The following PLCH2 variants were observed in gnomAD, a reference collection of about 807,000 sequenced individuals.
PLCH2 encodes phospholipase C eta 2, also known as 1-phosphatidylinositol 4,5-bisphosphate phosphodiesterase eta-2.
A neutral mutation model predicts 134.7 loss-of-function variants in PLCH2; 98 were observed. The ratio of observed to expected loss-of-function variants is 0.73; its 90% CI spans 0.62 to 0.86. PLCH2 has a LOEUF of 0.86. Ranked by LOEUF, PLCH2 falls within the 40% of genes least tolerant of loss-of-function variation. The pLI, the probability that PLCH2 is intolerant of heterozygous loss-of-function variation, is 0.00. For missense variants in PLCH2, 1,994 were observed against 1,986.6 expected, an observed-to-expected ratio of 1.00 and a Z score of -0.07; for synonymous variants, 974 against 827.5, an observed-to-expected ratio of 1.18 and a Z score of -3.04.
chr1:2,446,689 G>A (rs1016149367), intron 2 of PLCH2, among the ~76,000 whole-genome samples: 2 of 152,230 alleles, frequency 1.3e-5, no homozygotes, highest in Non-Finnish European at 2.9e-5. Flanking sequence ...AGGCTGCCTC[G>A]GCTGCCCAGC....
chr1:2,466,903 C>A (rs1042049470), upstream of PLCH2, among the ~76,000 whole-genome samples: 1 of 152,102 alleles, frequency 6.6e-6, no homozygotes, highest in African/African-American at 2.4e-5. Context: ...GGGCTGCAGC[C>A]GTCACCGTCA....
chr1:2,491,374 C>CA, intron 11 of PLCH2, 39 bp downstream of exon 11: 2 of 1,588,610 alleles, frequency 1.3e-6, no homozygotes, highest in South Asian at 2.3e-5. Flanking sequence ...TGCCGACAGG[C>CA]CCCCCCGACA....
At chr1:2,471,180 G>A (rs2477698) in intron 1 of PLCH2, among the ~76,000 whole-genome samples, 1,885 of 152,292 alleles carry the variant, frequency 0.012, 46 homozygotes, top group African/African-American at 0.043. Context: ...GGCTGGGGAC[G>A]GCGAGGGGGC....
chr1:2,467,180 CGGGAGGGAGGGA>C (rs540138760), upstream of PLCH2, among the ~76,000 whole-genome samples: 19 of 140,228 alleles, frequency 1.4e-4, no homozygotes, highest in Admixed American at 2.8e-4. Context: ...GGAGCCCTGC[CGGGAGGGAGGGA>C]GGGAGGGAGG....
At chr1:2,433,899 G>A (rs1639190133) in intron 2 of PLCH2, among the ~76,000 whole-genome samples, 1 of 152,208 alleles carries the variant, frequency 6.6e-6, no homozygotes, top group Admixed American at 6.5e-5. Flanking sequence ...GATGTTGGCC[G>A]TTTGGTCCCT....
At chr1:2,437,881 C>T (rs896900821) in intron 2 of PLCH2, among the ~76,000 whole-genome samples, 14 of 152,366 alleles carry the variant, frequency 9.2e-5, no homozygotes, top group Admixed American at 2.0e-4. Flanking sequence ...CGCACGTGGC[C>T]GTCCATCTCA....
At chr1:2,494,816 G>T in intron 11 of PLCH2, 40 bp from the exon 12 acceptor site, 1 of 1,455,370 alleles carries the variant, frequency 6.9e-7, no homozygotes, top group Non-Finnish European at 9.5e-7. Flanking sequence ...CCTGGTTCAA[G>T]GCTAGACTCA....
At chr1:2,426,223 T>C (rs1393194375) in intron 1 of PLCH2, among the ~76,000 whole-genome samples, 2 of 152,156 alleles carry the variant, frequency 1.3e-5, no homozygotes, top group African/African-American at 4.8e-5. Context: ...CTCCTTTACA[T>C]AAAAACAGCT....
chr1:2,497,030 G>C lies in PLCH2; in HGVS notation c.2116+20G>C. The C allele has an allele frequency of 6.2e-7, 1 of 1,606,128 alleles. No homozygotes were observed. Among genetic ancestry groups the C allele is most frequent in the Non-Finnish European group, 8.5e-7 (1 of 1,176,236 alleles). On this transcript the variant is annotated intron_variant, in intron 15 of 21. Transcript: ENST00000378486. ...AAATGGGTGGGTGCGGGCATGGTGC[G>C]CTGGGTGTGGTGGGGAGGGCTCGGC...
intron 2 of PLCH2, among the ~76,000 whole-genome samples, chr1:2,452,213 C>A (rs1640270467): frequency 6.6e-6 from 1 of 152,198 alleles, no homozygotes; most frequent in African/African-American, 2.4e-5. Flanking sequence ...AGCTGGGCCG[C>A]ACGACCCAGG....
intron 15 of PLCH2, among the ~76,000 whole-genome samples, 158 bp downstream of exon 15, chr1:2,497,168 C>G (rs563660749): frequency 1.3e-5 from 2 of 152,360 alleles, no homozygotes; most frequent in East Asian, 3.9e-4. Context: ...GCTGCCGACA[C>G]CAGGCTGCCA....
chr1:2,457,552 G>A (rs776152442), intron 2 of PLCH2, among the ~76,000 whole-genome samples: 3 of 152,180 alleles, frequency 2.0e-5, no homozygotes, highest in Admixed American at 6.5e-5. Context: ...TGTGTGTTGC[G>A]GGACGGGGCC....
chr1:2,438,009 C>T (rs1181568989), intron 2 of PLCH2, among the ~76,000 whole-genome samples: 2 of 152,236 alleles, frequency 1.3e-5, no homozygotes, highest in East Asian at 3.9e-4. Flanking sequence ...AAGGTCCCTC[C>T]AGGCCCGCCT....
chr1:2,440,296 G>C (rs1023650322), intron 2 of PLCH2, among the ~76,000 whole-genome samples: 2 of 152,190 alleles, frequency 1.3e-5, no homozygotes, highest in African/African-American at 4.8e-5. Flanking sequence ...GATCTCGGGT[G>C]GGGGGCAGGC....
At chr1:2,456,196 C>T (rs910832246) in intron 2 of PLCH2, among the ~76,000 whole-genome samples, 1 of 152,190 alleles carries the variant, frequency 6.6e-6, no homozygotes, top group Non-Finnish European at 1.5e-5. Flanking sequence ...GTTACCAAGC[C>T]GCCAGCACCA....
chr1:2,494,783 C>G (rs1003819428), intron 11 of PLCH2, 73 bp from the exon 12 acceptor site: 1 of 1,124,664 alleles, frequency 8.9e-7, no homozygotes, highest in Non-Finnish European at 1.3e-6. Flanking sequence ...CTGGGACCAC[C>G]AGGGGCTGTC....
chr1:2,491,145 G>A (rs771904276), intron 10 of PLCH2, 47 bp from the exon 11 acceptor site: 15 of 1,572,454 alleles, frequency 9.5e-6, no homozygotes, highest in South Asian at 4.6e-5. Context: ...GCCACTACTC[G>A]CAGGGCTCGG....
chr1:2,450,859 G>A (rs1640191357), intron 2 of PLCH2, among the ~76,000 whole-genome samples: 1 of 150,630 alleles, frequency 6.6e-6, no homozygotes, highest in Admixed American at 6.6e-5. Context: ...ACCAGTTGCT[G>A]GACTGTGGGT....
intron 2 of PLCH2, among the ~76,000 whole-genome samples, chr1:2,460,909 C>T (rs1266016933): frequency 2.0e-5 from 3 of 152,244 alleles, no homozygotes; most frequent in Non-Finnish European, 4.4e-5. Context: ...GCGGGTTCGC[C>T]TCTTCTCTCT....
Sources: gnomAD v4.1 joint callset for allele counts (sites outside exome capture counted in the v4.1 genomes callset) on GRCh38, gnomAD v4.1.1 for gene constraint, MANE v1.5 for transcripts, NCBI Gene and HGNC (gene_info 2026-07-23, HGNC 2026-07-21) for gene names.